SPATA7: variants seen among roughly 807,000 people sequenced by gnomAD.
SPATA7 encodes spermatogenesis associated 7.
In SPATA7, 43 loss-of-function variants were observed where a neutral mutation model predicts 51.8. The observed-to-expected ratio is 0.83, with a 90% confidence interval of 0.65 to 1.07. The LOEUF is 1.07. Ranked by LOEUF, SPATA7 falls within the 50% of genes least tolerant of loss-of-function variation. SPATA7 has a pLI of 0.00. For missense variants in SPATA7, 683 were observed against 701.3 expected (o/e 0.97, Z 0.30); for synonymous variants, 230 against 252.8 (o/e 0.91, Z 0.86).
intron 5 of SPATA7, among the ~76,000 whole-genome samples, chr14:88,420,850 C>T (rs979239094): frequency 1.1e-4 from 16 of 152,054 alleles, no homozygotes; most frequent in Admixed American, 5.9e-4. Flanking sequence ...GTGTGGTGGC[C>T]CACACCTGTA....
intron 1 of SPATA7, chr14:88,386,169 G>T: frequency 1.6e-6 from 1 of 626,480 alleles, no homozygotes; most frequent in Non-Finnish European, 2.5e-6. Context: ...AGACCTCCCC[G>T]GGCCCCAAAT....
chr14:88,388,428 C>A (rs2075642619), intron 1 of SPATA7, among the ~76,000 whole-genome samples: 1 of 152,142 alleles, frequency 6.6e-6, no homozygotes, highest in Non-Finnish European at 1.5e-5. Context: ...AGATTTTAGT[C>A]CTAATAGTTA....
At chr14:88,465,113 C>T (rs1331496723) in intron 4 of SPATA7, among the ~76,000 whole-genome samples, 1 of 152,206 alleles carries the variant, frequency 6.6e-6, no homozygotes, top group African/African-American at 2.4e-5. Flanking sequence ...GAATGCTTCA[C>T]AGTAGATGTT....
chr14:88,468,712 C>T (rs1475887845), intron 4 of SPATA7, among the ~76,000 whole-genome samples: 1 of 152,132 alleles, frequency 6.6e-6, no homozygotes, highest in Non-Finnish European at 1.5e-5. Context: ...CTTTATTTAT[C>T]GTATGACTTC....
intron 2 of SPATA7, among the ~76,000 whole-genome samples, chr14:88,392,998 G>A (rs1371036015): frequency 6.6e-6 from 1 of 152,036 alleles, no homozygotes; most frequent in Non-Finnish European, 1.5e-5. Flanking sequence ...AGGGTTTTGG[G>A]ATTTGGTAGT....
At chr14:88,463,941 G>A (rs2077334732) in intron 4 of SPATA7, among the ~76,000 whole-genome samples, 1 of 151,930 alleles carries the variant, frequency 6.6e-6, no homozygotes, top group Admixed American at 6.6e-5. Flanking sequence ...TCTGCCTCCT[G>A]GGTTCAAGCA....
Position 88,446,244 on chromosome 14 carries a change from C to A in SPATA7, c.177+8341C>A, listed in dbSNP as rs1363274264. On this transcript the variant is annotated intron_variant, in intron 3 of 3. Coordinates refer to the SPATA7 transcript ENST00000554802. ...TATGTGTCCAGGAATTTATCCATTT[C>A]TTCTAGATTTTCTAGTTTATTTGCA... 2.0e-5 allele frequency among the ~76,000 whole-genome samples: 3 copies of A among 152,164 alleles called. No homozygotes were observed. The East Asian group carries it at 5.8e-4, about 29-fold the overall frequency.
At chr14:88,426,973 T>A (rs56257627) in intron 6 of SPATA7, among the ~76,000 whole-genome samples, 5,368 of 152,302 alleles carry the variant, frequency 0.035, 310 homozygotes, top group African/African-American at 0.12. Context: ...TGTATGTTTT[T>A]AAATATTATA....
intron 5 of SPATA7, among the ~76,000 whole-genome samples, chr14:88,422,079 G>A (rs1292111937): frequency 3.9e-5 from 6 of 152,128 alleles, no homozygotes; most frequent in Non-Finnish European, 8.8e-5. Flanking sequence ...ATCATTCACA[G>A]AAATATAATA....
chr14:88,467,347 T>C (rs527617424), intron 4 of SPATA7: 15 of 152,354 alleles, frequency 9.8e-5, no homozygotes, highest in African/African-American at 3.6e-4. Context: ...ATCAAATTCA[T>C]TTAGATCTAT....
chr14:88,388,192 A>T (rs1427535628), intron 1 of SPATA7, among the ~76,000 whole-genome samples: 3 of 151,998 alleles, frequency 2.0e-5, no homozygotes, highest in African/African-American at 7.3e-5. Flanking sequence ...ACAGAGCAAG[A>T]CTCCATCTCA....
At chr14:88,450,632 C>T (rs2077243906) in intron 3 of SPATA7, among the ~76,000 whole-genome samples, 2 of 152,182 alleles carry the variant, frequency 1.3e-5, no homozygotes, top group Admixed American at 6.5e-5. Context: ...ACCCCAATCC[C>T]TTTTAGCTTG....
At chr14:88,393,615 AGT>A in intron 3 of SPATA7, 127 bp downstream of exon 3, 1 of 779,990 alleles carries the variant, frequency 1.3e-6, no homozygotes, top group Non-Finnish European at 2.1e-6. Context: ...TGTTTGGTTT[AGT>A]GTGATACAAA....
intron 4 of SPATA7, among the ~76,000 whole-genome samples, chr14:88,413,566 G>GTA (rs2076397535): frequency 6.6e-6 from 1 of 152,106 alleles, no homozygotes; most frequent in Non-Finnish European, 1.5e-5. Flanking sequence ...ACTCTGGCTA[G>GTA]GACTCCAGTA....
At chr14:88,427,939 G>A (rs992355992) in intron 7 of SPATA7, 1 of 405,916 alleles carries the variant, frequency 2.5e-6, no homozygotes, top group African/African-American at 2.0e-5. Context: ...CTAGATGATT[G>A]GTTGGCTGGC....
At chr14:88,444,391 G>A (rs936975975) in intron 3 of SPATA7, among the ~76,000 whole-genome samples, 18 of 151,970 alleles carry the variant, frequency 1.2e-4, no homozygotes, top group African/African-American at 4.1e-4. Context: ...TTAGCCCTTT[G>A]TCAGATGAGT....
chr14:88,404,646 G>A (rs919526796), intron 4 of SPATA7, among the ~76,000 whole-genome samples: 1 of 152,146 alleles, frequency 6.6e-6, no homozygotes, highest in Non-Finnish European at 1.5e-5. Flanking sequence ...GAACCCGGGA[G>A]GGGGAGGTTG....
downstream of SPATA7, among the ~76,000 whole-genome samples, chr14:88,460,132 G>T (rs1463056160): frequency 6.6e-6 from 1 of 152,162 alleles, no homozygotes; most frequent in Non-Finnish European, 1.5e-5. Context: ...CTCTCTGGCT[G>T]CCCTTAACAT....
chr14:88,443,755 TA>T lies in SPATA7; in HGVS notation c.177+5853del, dbSNP rs770425783. On this transcript the variant is annotated intron_variant, in intron 3 of 3. Coordinates refer to the SPATA7 transcript ENST00000554802. Reference sequence around the variant, plus strand: ...GGTGTTTGGTTTTCTGTCCTTGAGATAGTTTGCTCAGAATGATGGTTTCCAG... The same window carrying T: ...GGTGTTTGGTTTTCTGTCCTTGAGATGTTTGCTCAGAATGATGGTTTCCAG... Among the ~76,000 whole-genome samples, 959 of 152,254 alleles carry T rather than the reference TA, an allele frequency of 6.3e-3. 3 individuals are homozygous for T. Among genetic ancestry groups the T allele is most frequent in the Non-Finnish European group, 9.8e-3 (667 of 68,030 alleles).
Sources: allele counts gnomAD v4.1 joint callset (sites outside exome capture counted in the v4.1 genomes callset), GRCh38; gene constraint gnomAD v4.1.1; transcripts MANE v1.5; gene names NCBI Gene and HGNC (gene_info 2026-07-23, HGNC 2026-07-21).